Variants in CSMD1 observed in about 807,000 individuals in gnomAD.
The protein encoded by CSMD1 is CUB and sushi domain-containing protein 1.
In CSMD1, 213 loss-of-function variants were observed where a neutral mutation model predicts 417.5. The ratio of observed to expected loss-of-function variants is 0.51; its 90% CI spans 0.46 to 0.57. The LOEUF is 0.57. Among genes scored for constraint, CSMD1 ranks in the 20% least tolerant of loss-of-function variants. CSMD1 has a pLI of 0.00. For synonymous variants in CSMD1, 2,862 were observed against 1,736.8 expected (o/e 1.65, Z -16.11); for missense variants, 6,923 against 4,529.7 (o/e 1.53, Z -15.17).
At position 4,183,219 on chromosome 8, in the gene CSMD1, A is replaced by C. The variant is rs368004345; in HGVS notation, c.416-151120T>G. The stretch of plus-strand genomic sequence containing the variant: ...AAAAAATGGGTATACAGAGTTTGGA[A>C]AATGGAGAAGATCATCTCTAAGAAA... On this transcript the variant is annotated intron_variant, in intron 3 of 69. Coordinates refer to ENST00000635120, the MANE Select transcript of CSMD1 (RefSeq NM_033225.6). Among the ~76,000 whole-genome samples the C allele has an allele frequency of 2.8e-3, 422 of 152,284 alleles. 2 individuals carry two copies. The highest frequency in any genetic ancestry group is 6.8e-3 in the Middle Eastern group (2 of 294).
intron 27 of CSMD1, among the ~76,000 whole-genome samples, chr8:3,226,330 C>T (rs374611788): frequency 6.6e-6 from 1 of 152,112 alleles, no homozygotes; most frequent in Non-Finnish European, 1.5e-5. Flanking sequence ...CGCTTGTAAT[C>T]CCAGCACTTT....
chr8:4,480,091 C>T (rs1454863785), intron 2 of CSMD1, among the ~76,000 whole-genome samples: 1 of 151,642 alleles, frequency 6.6e-6, no homozygotes, highest in Non-Finnish European at 1.5e-5. Flanking sequence ...AGTAGCTGAA[C>T]CATGACCAGT....
chr8:3,981,681 T>C (rs1813882050), intron 5 of CSMD1, among the ~76,000 whole-genome samples: 2 of 152,274 alleles, frequency 1.3e-5, no homozygotes, highest in South Asian at 2.1e-4. Context: ...TTGACGTTAA[T>C]TGTGCCCCAA....
At chr8:4,129,397 T>A (rs1265068756) in intron 3 of CSMD1, among the ~76,000 whole-genome samples, 1 of 152,126 alleles carries the variant, frequency 6.6e-6, no homozygotes, top group East Asian at 1.9e-4. Flanking sequence ...CAACACACCA[T>A]GTTCTCCTTT....
chr8:3,068,223 T>C (rs945541448), intron 49 of CSMD1, among the ~76,000 whole-genome samples: 2 of 152,180 alleles, frequency 1.3e-5, no homozygotes, highest in African/African-American at 4.8e-5. Flanking sequence ...TGTGAAAACT[T>C]TCTTCATAGA....
intron 2 of CSMD1, among the ~76,000 whole-genome samples, chr8:4,438,593 T>C (rs80048870): frequency 0.028 from 4,215 of 152,254 alleles, 203 homozygotes; most frequent in African/African-American, 0.095. Context: ...CACAGTCACA[T>C]TGTGCTGAAT....
chr8:4,095,800 TG>T (rs1800977780), intron 3 of CSMD1, among the ~76,000 whole-genome samples: 1 of 152,236 alleles, frequency 6.6e-6, no homozygotes, highest in South Asian at 2.1e-4. Context: ...TATATGTATT[TG>T]TATGCATGTT....
chr8:3,339,841 C>G (rs1807525672), intron 23 of CSMD1, among the ~76,000 whole-genome samples: 2 of 152,136 alleles, frequency 1.3e-5, no homozygotes, highest in African/African-American at 4.8e-5. Context: ...TGGGTTATGG[C>G]TCCATTGGAC....
At chr8:3,188,302 TTC>T (rs1796201165) in intron 35 of CSMD1, among the ~76,000 whole-genome samples, 3 of 76,868 alleles carry the variant, frequency 3.9e-5, no homozygotes, top group Admixed American at 2.2e-4. Context: ...TTCTTTTCCT[TTC>T]TTTTTTTTTT....
rs115433231 is a variant in CSMD1, at chr8:4,195,885, T to G, written c.416-163786A>C. On this transcript the variant is annotated intron_variant, in intron 3 of 69. Coordinates refer to ENST00000635120, the MANE Select transcript of CSMD1 (RefSeq NM_033225.6). ...GCATGCGAGACTTACGGCAGAGGACTCAGCACAGTCCCACCCCGAGAAAAC... is the reference window on the plus strand; with the variant it reads ...GCATGCGAGACTTACGGCAGAGGACGCAGCACAGTCCCACCCCGAGAAAAC... 1.6e-3 allele frequency among the ~76,000 whole-genome samples: 238 copies of G among 152,088 alleles called. 2 individuals are homozygous for G. Among genetic ancestry groups the G allele is most frequent in the African/African-American group, 5.7e-3 (235 of 41,482 alleles).
At position 4,994,547 on chromosome 8, in the gene CSMD1, C is replaced by T. The variant is rs1811656555; in HGVS notation, c.-131G>A. 3.9e-6 allele frequency: 3 copies of T among 777,842 alleles called. No homozygotes were observed. The African/African-American group carries it at 5.2e-5, about 13-fold the overall frequency. The allele number at this position is 777,842 out of a possible 1,614,324, so 48.2% of individuals were successfully genotyped here. ...GAGCCCGGTCCCAAGACCCGCCGCG[C>T]ATCCGACGCCTCCTGAAGGTCTGGG... On this transcript the variant is annotated 5_prime_UTR_variant, in exon 1 of 70. An upstream start codon of the reference 5' UTR is lost. Transcript: ENST00000635120.
chr8:4,972,264 T>G (rs1230173701), intron 1 of CSMD1, among the ~76,000 whole-genome samples: 2 of 148,016 alleles, frequency 1.4e-5, no homozygotes, highest in South Asian at 4.2e-4. Flanking sequence ...GACACTGATA[T>G]TGTTTTGCTC....
rs754452559 is a variant in CSMD1, at chr8:3,408,209, G to A, written c.1761C>T (p.Asn587=). The part of the protein sequence containing the change: ...KPSCVFSCFF[N]FTASSGIILS... ...GAATAATCCCAGATGATGCCGTAAA[G>A]TTGAAGAAACATGAAACTGTGAAGA... The change falls in exon 14 of 70, where the codon AAC becomes AAT. Residue 587 remains asparagine, a synonymous_variant. Transcript: ENST00000635120. 6.2e-7 allele frequency: 1 copy of A among 1,603,432 alleles called. No individual in the cohort carries two copies. The highest frequency in any genetic ancestry group is 8.5e-7 in the Non-Finnish European group (1 of 1,173,402).
intron 6 of CSMD1, among the ~76,000 whole-genome samples, chr8:3,727,973 C>T (rs188172910): frequency 1.3e-5 from 2 of 152,230 alleles, no homozygotes; most frequent in East Asian, 3.9e-4. Flanking sequence ...TGGGTGCAGA[C>T]TTTCAGTTTT....
intron 2 of CSMD1, among the ~76,000 whole-genome samples, chr8:4,430,535 A>G (rs1242488791): frequency 6.6e-6 from 1 of 152,164 alleles, no homozygotes; most frequent in Admixed American, 6.5e-5. Context: ...ACTCTGATAG[A>G]CACTACTCTC....
At chr8:3,619,376 G>A (rs1032260282) in intron 7 of CSMD1, among the ~76,000 whole-genome samples, 2 of 113,626 alleles carry the variant, frequency 1.8e-5, no homozygotes, top group East Asian at 4.7e-4. Context: ...TTTTTCAAAT[G>A]CTTATTTTTT....
At chr8:4,705,999 T>G (rs1225496221) in intron 1 of CSMD1, among the ~76,000 whole-genome samples, 2 of 151,448 alleles carry the variant, frequency 1.3e-5, no homozygotes, top group Non-Finnish European at 2.9e-5. Context: ...AACTGTAATT[T>G]TTTTCAATAT....
chr8:4,340,681 G>T (rs1480511649), intron 3 of CSMD1, among the ~76,000 whole-genome samples: 1 of 151,988 alleles, frequency 6.6e-6, no homozygotes, highest in Non-Finnish European at 1.5e-5. Flanking sequence ...GAGTAGGCTG[G>T]AGTTTATTAG....
intron 3 of CSMD1, among the ~76,000 whole-genome samples, chr8:4,276,656 A>G (rs372809741): frequency 2.0e-5 from 3 of 152,160 alleles, no homozygotes; most frequent in Non-Finnish European, 4.4e-5. Context: ...TCAAAGTCTT[A>G]TTTTCCTTCT....
Sources: allele counts gnomAD v4.1 joint callset (sites outside exome capture counted in the v4.1 genomes callset), GRCh38; gene constraint gnomAD v4.1.1; transcripts MANE v1.5; gene names NCBI Gene and HGNC (gene_info 2026-07-23, HGNC 2026-07-21).